Variants in POT1 observed in about 807,000 individuals in gnomAD.
POT1 encodes the protein protection of telomeres 1.
POT1 carries 47 observed loss-of-function variants against 78.5 expected under a neutral mutation model. The observed-to-expected ratio is 0.60, with a 90% confidence interval of 0.47 to 0.76. The LOEUF is 0.76. Ranked by LOEUF, POT1 falls within the 30% of genes least tolerant of loss-of-function variation. POT1 has a pLI of 0.00. For synonymous variants in POT1, 259 were observed against 260.7 expected (o/e 0.99, Z 0.06); for missense variants, 646 against 749.9 (o/e 0.86, Z 1.62).
At chr7:124,919,832 T>G (rs1199024319) in intron 2 of POT1, among the ~76,000 whole-genome samples, 1 of 152,112 alleles carries the variant, frequency 6.6e-6, no homozygotes, top group Non-Finnish European at 1.5e-5. Context: ...AACTGGGGAT[T>G]TTCTAAGCTC....
At chr7:124,850,454 G>A (rs911005320) in intron 11 of POT1, among the ~76,000 whole-genome samples, 2 of 152,300 alleles carry the variant, frequency 1.3e-5, no homozygotes, top group Middle Eastern at 3.4e-3. Flanking sequence ...GCGGACGGGC[G>A]CAATGGCCTG....
chr7:124,859,135 T>C, intron 8 of POT1, 23 bp from the exon 9 acceptor site: 3 of 1,459,280 alleles, frequency 2.1e-6, no homozygotes, highest in Non-Finnish European at 2.7e-6. Flanking sequence ...AGTAGAGTAG[T>C]TTTATGATCC....
At chr7:124,877,758 G>T (rs559328876) in intron 6 of POT1, among the ~76,000 whole-genome samples, 1 of 148,426 alleles carries the variant, frequency 6.7e-6, no homozygotes, top group Admixed American at 6.8e-5. Context: ...GCGTGAACCC[G>T]GGAGGCAGAG....
At chr7:124,909,169 GA>G (rs1796833425) in intron 3 of POT1, among the ~76,000 whole-genome samples, 1 of 151,678 alleles carries the variant, frequency 6.6e-6, no homozygotes, top group Non-Finnish European at 1.5e-5. Context: ...GAATACTTTG[GA>G]AAAGTCTTTC....
chr7:124,903,374 C>G (rs979466455), intron 3 of POT1, among the ~76,000 whole-genome samples: 2 of 152,184 alleles, frequency 1.3e-5, no homozygotes, highest in Admixed American at 6.5e-5. Flanking sequence ...GAAACTTGCT[C>G]AAAACTGCAC....
intron 17 of POT1, 83 bp from the exon 18 acceptor site, chr7:124,825,440 G>A (rs1282911382): frequency 4.9e-6 from 4 of 808,506 alleles, no homozygotes; most frequent in East Asian, 2.9e-5. Flanking sequence ...TTTCAATATT[G>A]TCCAATTAAA....
chr7:124,909,104 T>C lies in POT1; in HGVS notation c.-154+6470A>G, dbSNP rs112327598. ...AACAGGGATACAGGGAGAAAAAAGG[T>C]ATTAATAAGTGTCTTTATTTTTGAC... On this transcript the variant is annotated intron_variant, in intron 3 of 18. Coordinates refer to ENST00000357628, the MANE Select transcript of POT1 (RefSeq NM_015450.3). 4.1e-3 allele frequency among the ~76,000 whole-genome samples: 627 copies of C among 151,986 alleles called. 8 individuals are homozygous for C. Among genetic ancestry groups the C allele is most frequent in the African/African-American group, 0.014 (581 of 41,542 alleles).
intron 2 of POT1, among the ~76,000 whole-genome samples, chr7:124,925,100 C>A (rs1477284540): frequency 6.6e-6 from 1 of 151,946 alleles, no homozygotes; most frequent in Non-Finnish European, 1.5e-5. Context: ...TATAGTACTG[C>A]AAGTCCTAGC....
At chr7:124,887,861 T>C (rs1301686492) in intron 6 of POT1, among the ~76,000 whole-genome samples, 1 of 152,158 alleles carries the variant, frequency 6.6e-6, no homozygotes, top group African/African-American at 2.4e-5. Context: ...TTCTGTTCAC[T>C]TTATTACCTC....
intron 14 of POT1, among the ~76,000 whole-genome samples, chr7:124,835,730 A>C (rs1794885006): frequency 6.6e-6 from 1 of 152,192 alleles, no homozygotes; most frequent in African/African-American, 2.4e-5. Flanking sequence ...TATAAATTAA[A>C]AGCTAAGTTA....
At chr7:124,830,348 T>C (rs1209221653) in intron 15 of POT1, among the ~76,000 whole-genome samples, 2 of 152,094 alleles carry the variant, frequency 1.3e-5, no homozygotes, top group African/African-American at 4.8e-5. Context: ...TGAATAAAAA[T>C]AAAAGTTCGA....
chr7:124,867,085 C>T, intron 7 of POT1, among the ~76,000 whole-genome samples: 1 of 152,176 alleles, frequency 6.6e-6, no homozygotes, highest in East Asian at 1.9e-4. Flanking sequence ...CCAGAACAAT[C>T]TTCCAGCTTA....
At chr7:124,918,849 T>A (rs1307326740) in intron 2 of POT1, among the ~76,000 whole-genome samples, 1 of 152,110 alleles carries the variant, frequency 6.6e-6, no homozygotes, top group Admixed American at 6.6e-5. Flanking sequence ...CCTAGATGCA[T>A]CATTTCAGCC....
intron 5 of POT1, among the ~76,000 whole-genome samples, chr7:124,895,357 A>C (rs1422001399): frequency 6.6e-6 from 1 of 150,826 alleles, no homozygotes; most frequent in South Asian, 2.1e-4. Context: ...TTTTTTTTTG[A>C]CTGCTTAAGG....
chr7:124,906,603 C>T (rs1044077470), intron 3 of POT1, among the ~76,000 whole-genome samples: 17 of 151,656 alleles, frequency 1.1e-4, no homozygotes, highest in African/African-American at 2.2e-4. Context: ...CAAAACTGCA[C>T]GGTGTGCACA....
chr7:124,914,582 A>G (rs891912810), intron 3 of POT1, among the ~76,000 whole-genome samples: 3 of 152,220 alleles, frequency 2.0e-5, no homozygotes, highest in Non-Finnish European at 4.4e-5. Context: ...CTGCAAATTC[A>G]ACCAATTCAG....
At chr7:124,891,066 C>A (rs1796359004) in intron 6 of POT1, among the ~76,000 whole-genome samples, 2 of 151,622 alleles carry the variant, frequency 1.3e-5, no homozygotes, top group Non-Finnish European at 3.0e-5. Flanking sequence ...TTTTCTGTTT[C>A]CTTATTGATC....
chr7:124,857,980 C>T (rs571179070), intron 9 of POT1, among the ~76,000 whole-genome samples: 2 of 152,240 alleles, frequency 1.3e-5, no homozygotes, highest in East Asian at 1.9e-4. Flanking sequence ...TGCTTCTGCC[C>T]GTGCCCAAAA....
At chr7:124,909,057 T>G (rs1163876454) in intron 3 of POT1, among the ~76,000 whole-genome samples, 1 of 151,880 alleles carries the variant, frequency 6.6e-6, no homozygotes, top group African/African-American at 2.4e-5. Context: ...ACCACTCTAA[T>G]TCCTCTTTCA....
Sources: allele counts gnomAD v4.1 joint callset (sites outside exome capture counted in the v4.1 genomes callset), GRCh38; gene constraint gnomAD v4.1.1; transcripts MANE v1.5; gene names NCBI Gene and HGNC (gene_info 2026-07-23, HGNC 2026-07-21).